The following AGAP1 variants were observed in gnomAD, a reference collection of about 807,000 sequenced individuals.
The protein encoded by AGAP1 is ArfGAP with GTPase domain, ankyrin repeat and PH domain 1, also known as arf-GAP with GTPase, ANK repeat and PH domain-containing protein 1.
A neutral mutation model predicts 105.3 loss-of-function variants in AGAP1; 29 were observed. The ratio of observed to expected loss-of-function variants is 0.28; its 90% confidence interval spans 0.21 to 0.38. The LOEUF is 0.38. Among genes scored for constraint, AGAP1 ranks in the 10% least tolerant of loss-of-function variants. The pLI, the probability that AGAP1 is intolerant of heterozygous loss-of-function variation, is 1.00. For synonymous variants in AGAP1, 509 were observed against 485.9 expected (o/e 1.05, Z -0.63); for missense variants, 998 against 1,165.1 (o/e 0.86, Z 2.09).
intron 1 of AGAP1, among the ~76,000 whole-genome samples, chr2:235,515,405 T>G (rs1413450063): frequency 6.6e-6 from 1 of 151,938 alleles, no homozygotes; most frequent in Non-Finnish European, 1.5e-5. Flanking sequence ...CTCATCAGAG[T>G]GGCAGCAGAG....
rs946113722 is a variant in AGAP1, at chr2:235,905,237, A to G, written c.1156-3501A>G. Among the ~76,000 whole-genome samples the G allele has an allele frequency of 6.6e-6, 1 of 152,242 alleles. No homozygotes were observed. Among genetic ancestry groups the G allele is most frequent in the Admixed American group, 6.5e-5 (1 of 15,290 alleles). On this transcript the variant is annotated intron_variant, in intron 10 of 17. Transcript: ENST00000304032. The surrounding 1 kb of genome is among the most constrained non-coding windows in gnomAD (Gnocchi z 4.2). Reference sequence around the variant, plus strand: ...TCATTTTAGAGCCCATAAGCAATAAATGCTCAATTACACTCCTGTTATTGT... The same window carrying G: ...TCATTTTAGAGCCCATAAGCAATAAGTGCTCAATTACACTCCTGTTATTGT...
chr2:235,594,894 T>TTTG (rs1553575352), intron 1 of AGAP1, among the ~76,000 whole-genome samples: 2 of 150,938 alleles, frequency 1.3e-5, no homozygotes, highest in African/African-American at 2.4e-5. Flanking sequence ...TTTTTTTTTT[T>TTTG]TTTTTTTTTT....
intron 11 of AGAP1, among the ~76,000 whole-genome samples, chr2:235,917,846 T>C (rs2051975789): frequency 6.6e-6 from 1 of 152,226 alleles, no homozygotes; most frequent in African/African-American, 2.4e-5. Flanking sequence ...ATCCCCGTTG[T>C]GTGGCCCGCA....
intron 16 of AGAP1, among the ~76,000 whole-genome samples, chr2:236,075,046 T>C (rs2058600199): frequency 6.6e-6 from 1 of 152,108 alleles, no homozygotes; most frequent in African/African-American, 2.4e-5. Flanking sequence ...GAGACAGACC[T>C]TCTCTCAAAA....
chr2:235,614,185 G>A lies in AGAP1; in HGVS notation c.164-94994G>A, dbSNP rs1030305786. Among the ~76,000 whole-genome samples the A allele has an allele frequency of 6.6e-6, 1 of 152,162 alleles. No individual in the cohort carries two copies. Among genetic ancestry groups the A allele is most frequent in the Non-Finnish European group, 1.5e-5 (1 of 68,034 alleles). On this transcript the variant is annotated intron_variant, in intron 1 of 17. Coordinates refer to ENST00000304032, the MANE Select transcript of AGAP1 (RefSeq NM_001037131.3). This position sits in a 1 kb window ranked among gnomAD's most constrained non-coding sequence, Gnocchi z 4.7. ...CAGGCAAGGTCTTTGGCCTCAGGGG[G>A]TCCTTGGAGTCTAGAAGGGATGGTG...
rs533196183 is a variant in AGAP1 at position 235,874,926 on chromosome 2, C to T, written c.1051-8419C>T. 1.3e-5 allele frequency among the ~76,000 whole-genome samples: 2 copies of T among 152,342 alleles called. No individual in the cohort carries two copies. Among genetic ancestry groups the T allele is most frequent in the East Asian group, 1.9e-4 (1 of 5,188 alleles). On this transcript the variant is annotated intron_variant, in intron 9 of 17. Coordinates refer to ENST00000304032, the MANE Select transcript of AGAP1 (RefSeq NM_001037131.3). This position sits in a 1 kb window ranked among gnomAD's most constrained non-coding sequence, Gnocchi z 4.5. ...AGAGAAATTGTCAATATCATGGCCCCACATTTCCATTAGATAGGCAGTAAC... is the reference window on the plus strand; with the variant it reads ...AGAGAAATTGTCAATATCATGGCCCTACATTTCCATTAGATAGGCAGTAAC...
chr2:235,770,703 G>A (rs1299745646), intron 6 of AGAP1, among the ~76,000 whole-genome samples: 2 of 139,868 alleles, frequency 1.4e-5, no homozygotes, highest in African/African-American at 5.1e-5. Context: ...AAAGCTGGTG[G>A]ATTTTGAGAA....
intron 6 of AGAP1, among the ~76,000 whole-genome samples, chr2:235,760,700 C>T (rs924635693): frequency 9.2e-5 from 14 of 152,330 alleles, no homozygotes; most frequent in African/African-American, 3.4e-4. Flanking sequence ...ATCCTCCTAC[C>T]TCAGTCTCCT....
At chr2:236,006,743 T>C (rs919927770) in intron 13 of AGAP1, among the ~76,000 whole-genome samples, 1 of 152,176 alleles carries the variant, frequency 6.6e-6, no homozygotes, top group African/African-American at 2.4e-5. Flanking sequence ...GATAGTTGTG[T>C]GTGTGTACGG....
Position 235,751,193 on chromosome 2 carries a change from G to T in AGAP1, c.673+705G>T, listed in dbSNP as rs1047175247. On this transcript the variant is annotated intron_variant, in intron 6 of 17. Coordinates refer to ENST00000304032, the MANE Select transcript of AGAP1 (RefSeq NM_001037131.3). The surrounding 1 kb of genome is among the most constrained non-coding windows in gnomAD (Gnocchi z 5.3). ...CAGATGCGTGGGGTGGGCGGGAGAG[G>T]TGGCGTCACCCTGGGGATAGGAGGG... Among the ~76,000 whole-genome samples the T allele has an allele frequency of 6.6e-5, 10 of 152,084 alleles. No individual in the cohort carries two copies. Among genetic ancestry groups the T allele is most frequent in the African/African-American group, 2.4e-4 (10 of 41,424 alleles).
At position 235,578,728 on chromosome 2, in the gene AGAP1, T is replaced by G. The variant is rs1944820065; in HGVS notation, c.163+83879T>G. ...TGAACCCAGGAGGCGGAGGTTGCAGTAAGCCGACATTGTGCCACTGCACTC... is the reference window on the plus strand; with the variant it reads ...TGAACCCAGGAGGCGGAGGTTGCAGGAAGCCGACATTGTGCCACTGCACTC... On this transcript the variant is annotated intron_variant, in intron 1 of 17. Transcript: ENST00000304032. The surrounding 1 kb of genome is among the most constrained non-coding windows in gnomAD (Gnocchi z 4.9). 1.4e-5 allele frequency among the ~76,000 whole-genome samples: 2 copies of G among 147,324 alleles called. No individual in the cohort carries two copies. The highest frequency in any genetic ancestry group is 3.0e-5 in the Non-Finnish European group (2 of 67,428).
intron 1 of AGAP1, among the ~76,000 whole-genome samples, chr2:235,592,624 G>T (rs993232183): frequency 6.6e-6 from 1 of 152,152 alleles, no homozygotes; most frequent in Non-Finnish European, 1.5e-5. Context: ...CACGGGAGGG[G>T]TGTTGAACAG....
At chr2:235,643,287 T>C (rs1403008755) in intron 1 of AGAP1, among the ~76,000 whole-genome samples, 1 of 151,054 alleles carries the variant, frequency 6.6e-6, no homozygotes, top group Non-Finnish European at 1.5e-5. Flanking sequence ...AAAAATTAGC[T>C]GGGTGTGGTG....
rs897297192 is a variant in AGAP1 at position 235,577,292 on chromosome 2, G to A, written c.163+82443G>A. On this transcript the variant is annotated intron_variant, in intron 1 of 17. Coordinates refer to ENST00000304032, the MANE Select transcript of AGAP1 (RefSeq NM_001037131.3). This position sits in a 1 kb window ranked among gnomAD's most constrained non-coding sequence, Gnocchi z 4.5. ...TGCTATAATCCTGTTTGGTACTGAT[G>A]CTTTGGGTGGTGCTGTGTAATGTTC... 2.6e-5 allele frequency among the ~76,000 whole-genome samples: 4 copies of A among 152,196 alleles called. No individual in the cohort carries two copies. The highest frequency in any genetic ancestry group is 9.7e-5 in the African/African-American group (4 of 41,450).
intron 11 of AGAP1, among the ~76,000 whole-genome samples, chr2:235,925,215 C>T (rs981963463): frequency 6.6e-6 from 1 of 152,182 alleles, no homozygotes; most frequent in South Asian, 2.1e-4. Flanking sequence ...GTTAGACTCA[C>T]CTCGTCTACT....
rs369422774 is a variant in AGAP1 at position 236,062,001 on chromosome 2, C to T, written c.2114+12720C>T. On this transcript the variant is annotated intron_variant, in intron 16 of 17. Transcript: ENST00000304032. This position sits in a 1 kb window ranked among gnomAD's most constrained non-coding sequence, Gnocchi z 4.2. ...ATGCTGGGTGGCGGGGGCCTGGGTG[C>T]GGGCCGAGGGCTGGCGTGGCTGCCC... Among the ~76,000 whole-genome samples the T allele has an allele frequency of 3.6e-4, 55 of 152,214 alleles. No individual in the cohort carries two copies. Among genetic ancestry groups the T allele is most frequent in the African/African-American group, 1.2e-3 (51 of 41,530 alleles).
Position 235,664,589 on chromosome 2 carries a change from C to T in AGAP1, c.164-44590C>T, listed in dbSNP as rs1948068166. On this transcript the variant is annotated intron_variant, in intron 1 of 17. Transcript: ENST00000304032. This position sits in a 1 kb window ranked among gnomAD's most constrained non-coding sequence, Gnocchi z 5.7. ...ACTACCAAGAAATATCTAATATTTT[C>T]CTTTTGTTTGGGAATAAGAATCTAC... Among the ~76,000 whole-genome samples the T allele has an allele frequency of 6.6e-6, 1 of 152,200 alleles. No homozygotes were observed. The highest frequency in any genetic ancestry group is 2.4e-5 in the African/African-American group (1 of 41,518).
At chr2:235,925,566 A>C (rs906643055) in intron 11 of AGAP1, among the ~76,000 whole-genome samples, 1 of 152,166 alleles carries the variant, frequency 6.6e-6, no homozygotes, top group Non-Finnish European at 1.5e-5. Context: ...TGAACTGGCA[A>C]CTTTAATGCC....
At chr2:235,825,888 A>G (rs1336341927) in intron 9 of AGAP1, among the ~76,000 whole-genome samples, 1 of 152,212 alleles carries the variant, frequency 6.6e-6, no homozygotes, top group Non-Finnish European at 1.5e-5. Flanking sequence ...AACCCAATGG[A>G]TAAATGAGAG....
Sources: gnomAD v4.1 joint callset for allele counts (sites outside exome capture counted in the v4.1 genomes callset) on GRCh38, gnomAD v4.1.1 for gene constraint, Gnocchi (gnomAD v3.1) non-coding constraint, MANE v1.5 for transcripts, NCBI Gene and HGNC (gene_info 2026-07-23, HGNC 2026-07-21) for gene names.